SIL1: variants seen among roughly 807,000 people sequenced by gnomAD.
SIL1 encodes the protein nucleotide exchange factor SIL1.
SIL1 carries 40 observed loss-of-function variants against 49.1 expected under a neutral mutation model. That is an observed-to-expected ratio of 0.81 (90% CI 0.63 to 1.06). SIL1 has a LOEUF of 1.06. Among genes scored for constraint, SIL1 ranks in the 50% least tolerant of loss-of-function variants. SIL1 has a pLI of 0.00. For missense variants in SIL1, 500 were observed against 572.6 expected (o/e 0.87, Z 1.29); for synonymous variants, 253 against 250.8 (o/e 1.01, Z -0.08).
At chr5:139,148,289 G>C (rs1022534622) in intron 1 of SIL1, among the ~76,000 whole-genome samples, 7 of 152,142 alleles carry the variant, frequency 4.6e-5, no homozygotes, top group African/African-American at 1.7e-4. Context: ...CCAAATCCCA[G>C]CCTGCCAAGA....
Position 139,175,050 on chromosome 5 carries a change from A to G in SIL1, c.-11+23219T>C, listed in dbSNP as rs538077576. Reference sequence around the variant, plus strand: ...TATAAGAGTGTACTAGGCCAGGCGCAGTGGCTCACACCTGTAATCCCAGAA... The same window carrying G: ...TATAAGAGTGTACTAGGCCAGGCGCGGTGGCTCACACCTGTAATCCCAGAA... On this transcript the variant is annotated intron_variant, in intron 1 of 9. Transcript: ENST00000394817. 1.5e-4 allele frequency among the ~76,000 whole-genome samples: 23 copies of G among 151,792 alleles called. No homozygotes were observed. The East Asian group carries it at 4.3e-3, about 28-fold the overall frequency.
chr5:139,042,488 G>A (rs1357249314), intron 5 of SIL1, 132 bp downstream of exon 5: 4 of 835,426 alleles, frequency 4.8e-6, no homozygotes, highest in Non-Finnish European at 8.1e-6. Context: ...TGTCATTAAT[G>A]TTCTTTAAAT....
At chr5:138,983,234 C>A (rs1191680199) in intron 7 of SIL1, among the ~76,000 whole-genome samples, 1 of 139,332 alleles carries the variant, frequency 7.2e-6, no homozygotes, top group Non-Finnish European at 1.5e-5. Context: ...AAAGGCCGGG[C>A]GCGGTGGCTC....
At chr5:138,959,218 T>C (rs544242886) in intron 7 of SIL1, among the ~76,000 whole-genome samples, 34 of 152,346 alleles carry the variant, frequency 2.2e-4, no homozygotes, top group African/African-American at 7.2e-4. Context: ...CTGCATATAC[T>C]AAATCATAAT....
At chr5:138,966,882 C>T (rs1767156075) in intron 7 of SIL1, among the ~76,000 whole-genome samples, 1 of 152,120 alleles carries the variant, frequency 6.6e-6, no homozygotes, top group Non-Finnish European at 1.5e-5. Flanking sequence ...AACTGGATTC[C>T]ACTGGGGACA....
At chr5:138,960,786 T>C (rs190208087) in intron 7 of SIL1, among the ~76,000 whole-genome samples, 6 of 152,354 alleles carry the variant, frequency 3.9e-5, no homozygotes, top group Non-Finnish European at 7.3e-5. Context: ...CATTTCTCTA[T>C]CTGATCTATT....
At chr5:139,177,533 C>T (rs1751909676) in intron 1 of SIL1, among the ~76,000 whole-genome samples, 1 of 152,064 alleles carries the variant, frequency 6.6e-6, no homozygotes, top group East Asian at 1.9e-4. Flanking sequence ...CCACCGCGCC[C>T]AGCCGAGAAG....
intron 1 of SIL1, among the ~76,000 whole-genome samples, chr5:139,149,126 GA>G (rs957808468): frequency 2.5e-4 from 36 of 143,654 alleles, no homozygotes; most frequent in South Asian, 2.2e-4. Flanking sequence ...GAGCACCCAG[GA>G]AAAAAAAAAA....
intron 3 of SIL1, 65 bp from the exon 4 acceptor site, chr5:139,051,111 A>G: frequency 6.8e-7 from 1 of 1,479,348 alleles, no homozygotes; most frequent in Admixed American, 1.7e-5. Flanking sequence ...CGGGATGGCC[A>G]GCAAGCCAAC....
intron 7 of SIL1, among the ~76,000 whole-genome samples, chr5:139,001,679 G>A (rs1767986336): frequency 6.6e-6 from 1 of 152,214 alleles, no homozygotes; most frequent in Non-Finnish European, 1.5e-5. Context: ...GGCCAAGGCG[G>A]GTGGAGCAAG....
intron 7 of SIL1, among the ~76,000 whole-genome samples, chr5:138,973,308 A>T (rs1767323681): frequency 6.6e-6 from 1 of 151,948 alleles, no homozygotes. Flanking sequence ...AAAACCCAAC[A>T]GCAACTTCTG....
chr5:138,971,227 C>G (rs1580994494), intron 7 of SIL1, among the ~76,000 whole-genome samples: 1 of 152,088 alleles, frequency 6.6e-6, no homozygotes, highest in Non-Finnish European at 1.5e-5. Flanking sequence ...TTTTATACCA[C>G]CCCAGGCCAA....
intron 1 of SIL1, among the ~76,000 whole-genome samples, chr5:139,135,272 CTA>C (rs1295262051): frequency 6.6e-6 from 1 of 152,132 alleles, no homozygotes. Context: ...AATATCTCCC[CTA>C]TGTTTTGAAG....
intron 1 of SIL1, among the ~76,000 whole-genome samples, chr5:139,148,403 G>A (rs1006646338): frequency 2.0e-5 from 3 of 152,170 alleles, no homozygotes; most frequent in Admixed American, 2.0e-4. Context: ...CTTGTGATAG[G>A]GATACCAGTG....
intron 1 of SIL1, among the ~76,000 whole-genome samples, chr5:139,177,817 C>T (rs1455280948): frequency 6.6e-6 from 1 of 152,236 alleles, no homozygotes; most frequent in Non-Finnish European, 1.5e-5. Flanking sequence ...CCATTTCTGG[C>T]CCTCCAGACA....
intron 1 of SIL1, among the ~76,000 whole-genome samples, chr5:139,179,325 A>T (rs1026126791): frequency 6.6e-6 from 1 of 152,218 alleles, no homozygotes; most frequent in East Asian, 1.9e-4. Context: ...GGGCAGAAGC[A>T]GGCATTCTGT....
chr5:139,048,110 G>A (rs1769206056), intron 4 of SIL1, among the ~76,000 whole-genome samples: 1 of 151,968 alleles, frequency 6.6e-6, no homozygotes, highest in Non-Finnish European at 1.5e-5. Context: ...AAATTCCTCA[G>A]TATTATTTTT....
chr5:139,143,826 A>C (rs1345203576), intron 1 of SIL1, among the ~76,000 whole-genome samples: 1 of 152,216 alleles, frequency 6.6e-6, no homozygotes, highest in Non-Finnish European at 1.5e-5. Context: ...CTAAGAAAGC[A>C]ATTCCATTTA....
rs1183733625 is a variant in SIL1, at chr5:138,948,864, C to A, written c.1030-1391G>T. Among the ~76,000 whole-genome samples the A allele has an allele frequency of 6.6e-6, 1 of 152,150 alleles. No individual in the cohort carries two copies. The highest frequency in any genetic ancestry group is 1.5e-5 in the Non-Finnish European group (1 of 68,028). On this transcript the variant is annotated intron_variant, in intron 9 of 9. Transcript: ENST00000394817. The surrounding 1 kb of genome is among the most constrained non-coding windows in gnomAD (Gnocchi z 4.8). ...TTGTTATTCTAGAGAGCAAGCCCGG[C>A]CCAGCATGCTTTTTTCCGCAAGTGC...
Sources: allele counts gnomAD v4.1 joint callset (sites outside exome capture counted in the v4.1 genomes callset), GRCh38; gene constraint gnomAD v4.1.1; non-coding constraint Gnocchi (gnomAD v3.1); transcripts MANE v1.5; gene names NCBI Gene and HGNC (gene_info 2026-07-23, HGNC 2026-07-21).